The following RPRD2 variants were observed in gnomAD, a reference collection of about 807,000 sequenced individuals.
The protein encoded by RPRD2 is regulation of nuclear pre-mRNA domain containing 2.
RPRD2 carries 12 observed loss-of-function variants against 104.4 expected under a neutral mutation model. The ratio of observed to expected loss-of-function variants is 0.11; its 90% CI spans 0.07 to 0.19. RPRD2 has a LOEUF of 0.19. RPRD2 is among the 10% of genes least tolerant of loss of function. The pLI, the probability that RPRD2 is intolerant of heterozygous loss-of-function variation, is 1.00. For missense variants in RPRD2, 1,543 were observed against 1,790.1 expected (o/e 0.86, Z 2.49); for synonymous variants, 714 against 684.9 (o/e 1.04, Z -0.66).
At chr1:150,465,088 C>T (rs1406696221) in intron 10 of RPRD2, among the ~76,000 whole-genome samples, 1 of 151,814 alleles carries the variant, frequency 6.6e-6, no homozygotes, top group African/African-American at 2.4e-5. Context: ...AGGCTGGTCT[C>T]AAACTCCTGG....
chr1:150,391,134 A>G (rs1307535184), intron 1 of RPRD2, among the ~76,000 whole-genome samples: 1 of 152,216 alleles, frequency 6.6e-6, no homozygotes, highest in East Asian at 1.9e-4. Flanking sequence ...ACAGATTGAT[A>G]ACTATGGAAG....
chr1:150,405,434 A>G (rs1166123060), intron 1 of RPRD2, among the ~76,000 whole-genome samples: 1 of 152,120 alleles, frequency 6.6e-6, no homozygotes, highest in East Asian at 1.9e-4. Context: ...AGCCTAGTAC[A>G]GAAATATATA....
chr1:150,417,905 TC>T (rs782025992), intron 2 of RPRD2, among the ~76,000 whole-genome samples, 180 bp downstream of exon 2: 8 of 149,222 alleles, frequency 5.4e-5, no homozygotes, highest in Non-Finnish European at 8.9e-5. Context: ...TCTTTTCTTT[TC>T]TTTTTCTCTC....
At chr1:150,429,983 T>C (rs1665441198) in intron 2 of RPRD2, among the ~76,000 whole-genome samples, 1 of 152,230 alleles carries the variant, frequency 6.6e-6, no homozygotes, top group African/African-American at 2.4e-5. Flanking sequence ...GCAAATGTGC[T>C]CTTGTGTAAT....
chr1:150,397,478 C>G (rs915821388), intron 1 of RPRD2, among the ~76,000 whole-genome samples: 19 of 152,118 alleles, frequency 1.2e-4, no homozygotes, highest in Non-Finnish European at 5.9e-5. Flanking sequence ...AATTCTTCCC[C>G]ATTTTTATTG....
chr1:150,436,995 C>T (rs1553893289), intron 2 of RPRD2, among the ~76,000 whole-genome samples: 1 of 152,102 alleles, frequency 6.6e-6, no homozygotes, highest in Admixed American at 6.6e-5. Context: ...CTCTAGAGCT[C>T]AGGAGTTTGA....
Position 150,471,863 on chromosome 1 carries a change from G to A in RPRD2, c.2915G>A (p.Arg972His), listed in dbSNP as rs1668609240. Residue 972 changes from arginine (R) to histidine (H), a missense_variant, in exon 11 of 11, where the codon CGT (arginine) becomes CAT (histidine). Arg to His is a conservative substitution (Grantham distance 29). Transcript: ENST00000369068. This position sits in a 1 kb window ranked among gnomAD's most constrained non-coding sequence, Gnocchi z 5.3. The part of the protein sequence containing the change: ...YPDSPHPVPH[R>H]SLFSPQNTLA... The stretch of plus-strand genomic sequence containing the variant: ...GACTCTCCTCACCCAGTCCCACATC[G>A]TTCCCTTTTCTCTCCGCAGAACACC... 11 of 1,613,900 alleles carry A rather than the reference G, an allele frequency of 6.8e-6. No individual in the cohort carries two copies. The highest frequency in any genetic ancestry group is 2.2e-5 in the South Asian group (2 of 91,070).
At chr1:150,449,654 C>A (rs1253613084) in intron 7 of RPRD2, among the ~76,000 whole-genome samples, 4 of 152,036 alleles carry the variant, frequency 2.6e-5, no homozygotes, top group African/African-American at 7.2e-5. Context: ...TAGATTAGGG[C>A]CCATCCTGAT....
intron 1 of RPRD2, among the ~76,000 whole-genome samples, chr1:150,405,321 A>T (rs1184552286): frequency 6.6e-6 from 1 of 152,168 alleles, no homozygotes; most frequent in African/African-American, 2.4e-5. Context: ...AAGTTATTTT[A>T]CTCAGGACTT....
intron 2 of RPRD2, among the ~76,000 whole-genome samples, chr1:150,422,364 T>TAATAATAATAATAATAATA (rs1434288648): frequency 2.0e-5 from 2 of 97,810 alleles, no homozygotes; most frequent in Non-Finnish European, 4.6e-5. Context: ...ATAATAATAA[T>TAATAATAATAATAATAATA]AATAAATAAA....
At position 150,367,290 on chromosome 1, in the gene RPRD2, A is replaced by C. The variant is rs587765010; in HGVS notation, c.205+2371A>C. On this transcript the variant is annotated intron_variant, in intron 1 of 10. Transcript: ENST00000369068. ...CAGCAGAATGGTGTGGGGCGCAATG[A>C]AAACAGTTTATGCATGGGCCTTGTT... is the stretch of plus-strand genomic sequence containing the variant. 1.1e-4 allele frequency among the ~76,000 whole-genome samples: 17 copies of C among 152,346 alleles called. No individual in the cohort carries two copies. In the South Asian group the frequency reaches 3.3e-3, roughly 30 times the overall value.
rs1367979930 is a variant in RPRD2 at position 150,472,749 on chromosome 1, C to T, written c.3801C>T (p.Phe1267=). Residue 1267 remains phenylalanine, a synonymous_variant, in exon 11 of 11, where the codon TTC becomes TTT. Transcript: ENST00000369068. ...PPPGEHSGIP[F]PTPPPPPPPG... ...CTGGAGAGCACAGTGGAATTCCTTT[C>T]CCTACCCCACCTCCTCCTCCCCCTC... The T allele has an allele frequency of 3.7e-6, 6 of 1,612,670 alleles. No individual in the cohort carries two copies. Among genetic ancestry groups the T allele is most frequent in the Non-Finnish European group, 4.2e-6 (5 of 1,178,792 alleles).
chr1:150,392,865 C>T lies in RPRD2; in HGVS notation c.206-24731C>T, dbSNP rs587636854. ...TAGAAAAAAAACAAAGAAAAGAAAA[C>T]TTCCCCAAAAGGTACAGAGGTATGA... On this transcript the variant is annotated intron_variant, in intron 1 of 10. Coordinates refer to ENST00000369068, the MANE Select transcript of RPRD2 (RefSeq NM_015203.5). 2.0e-4 allele frequency among the ~76,000 whole-genome samples: 31 copies of T among 151,808 alleles called. 1 individual carries two copies. Among genetic ancestry groups the T allele is most frequent in the Middle Eastern group, 3.4e-3 (1 of 292 alleles).
At position 150,472,316 on chromosome 1, in the gene RPRD2, C is replaced by T. The variant is rs1448237974; in HGVS notation, c.3368C>T (p.Ala1123Val). The change falls in exon 11 of 11, where the codon GCT becomes GTT. Residue 1123 changes from alanine (A) to valine (V), a missense_variant. Coordinates refer to ENST00000369068, the MANE Select transcript of RPRD2 (RefSeq NM_015203.5). ...GGAAATAGAGGACATGGGCGTGAGG[C>T]TTCAAGGGTGGGTTGGTTTGATCTG... is the stretch of plus-strand genomic sequence containing the variant. ...GKGNRGHGRE[A>V]SRVGWFDLST... 2 of 1,613,958 alleles carry T rather than the reference C, an allele frequency of 1.2e-6. No homozygotes were observed. The highest frequency in any genetic ancestry group is 1.1e-5 in the South Asian group (1 of 91,082).
chr1:150,384,886 T>C (rs1661449447), intron 1 of RPRD2, among the ~76,000 whole-genome samples: 1 of 151,948 alleles, frequency 6.6e-6, no homozygotes, highest in Admixed American at 6.6e-5. Flanking sequence ...AGTGTGGTGG[T>C]GGCGTGTGAA....
chr1:150,373,701 A>G (rs1390762379), intron 1 of RPRD2, among the ~76,000 whole-genome samples: 4 of 151,878 alleles, frequency 2.6e-5, no homozygotes, highest in East Asian at 1.9e-4. Context: ...TTTTAAAGAT[A>G]TAATTCACAA....
At chr1:150,405,663 A>G (rs1663414490) in intron 1 of RPRD2, among the ~76,000 whole-genome samples, 1 of 152,158 alleles carries the variant, frequency 6.6e-6, no homozygotes, top group East Asian at 1.9e-4. Context: ...TGTCTTTCTG[A>G]TAATTACAGT....
chr1:150,436,367 C>T (rs587701399), intron 2 of RPRD2, among the ~76,000 whole-genome samples: 1 of 152,094 alleles, frequency 6.6e-6, no homozygotes, highest in African/African-American at 2.4e-5. Flanking sequence ...TTTGGGAGGC[C>T]GAGGCAGGCA....
chr1:150,383,795 T>G (rs1386043174), intron 1 of RPRD2, among the ~76,000 whole-genome samples: 3 of 152,216 alleles, frequency 2.0e-5, no homozygotes, highest in Non-Finnish European at 4.4e-5. Flanking sequence ...TGCATGCTAT[T>G]TTTAGTATCA....
Sources: gnomAD v4.1 joint callset for allele counts (sites outside exome capture counted in the v4.1 genomes callset) on GRCh38, gnomAD v4.1.1 for gene constraint, Gnocchi (gnomAD v3.1) non-coding constraint, MANE v1.5 for transcripts, NCBI Gene and HGNC (gene_info 2026-07-23, HGNC 2026-07-21) for gene names.